The following ARHGAP21 variants were observed in gnomAD, a reference collection of about 807,000 sequenced individuals.
The protein encoded by ARHGAP21 is rho GTPase-activating protein 21.
Under a neutral mutation model 164.6 loss-of-function variants are expected in ARHGAP21, and 38 were observed. The ratio of observed to expected loss-of-function variants is 0.23; its 90% confidence interval spans 0.18 to 0.30. The LOEUF is 0.30. Among genes scored for constraint, ARHGAP21 ranks in the 10% least tolerant of loss-of-function variants. ARHGAP21 has a pLI of 1.00. For missense variants in ARHGAP21, 1,822 were observed against 2,370.7 expected (o/e 0.77, Z 4.81); for synonymous variants, 766 against 857.9 (o/e 0.89, Z 1.87).
At chr10:24,690,621 G>A (rs1033850385) in intron 2 of ARHGAP21, among the ~76,000 whole-genome samples, 5 of 151,976 alleles carry the variant, frequency 3.3e-5, no homozygotes, top group African/African-American at 4.8e-5. Context: ...CTGAGGTGGC[G>A]AGTTCGAGAC....
chr10:24,664,660 C>T (rs921462923), intron 4 of ARHGAP21, among the ~76,000 whole-genome samples: 1 of 151,502 alleles, frequency 6.6e-6, no homozygotes, highest in Non-Finnish European at 1.5e-5. Context: ...TAATTTTTTA[C>T]CATAATTGAC....
intron 4 of ARHGAP21, among the ~76,000 whole-genome samples, chr10:24,639,544 G>A (rs1233967501): frequency 6.6e-6 from 1 of 152,140 alleles, no homozygotes; most frequent in South Asian, 2.1e-4. Context: ...CACAGAGCCT[G>A]TCACATCGCA....
intron 2 of ARHGAP21, among the ~76,000 whole-genome samples, chr10:24,721,405 T>G (rs1024747040): frequency 4.6e-5 from 7 of 152,118 alleles, no homozygotes; most frequent in Non-Finnish European, 5.9e-5. Flanking sequence ...AAGTTCCAGG[T>G]GCAACAAGCA....
rs76597968 is a variant in ARHGAP21 at position 24,675,456 on chromosome 10, T to G, written c.64-5059A>C. 9.9e-3 allele frequency among the ~76,000 whole-genome samples: 1,502 copies of G among 152,276 alleles called. 20 individuals carry two copies. The highest frequency in any genetic ancestry group is 0.038 in the East Asian group (195 of 5,186). On this transcript the variant is annotated intron_variant, in intron 2 of 25. Transcript: ENST00000396432. ...GGGTGGAGATTATTATGAAGCAGCA[T>G]GAGGAAATGTGAAGGGTGGTGAATA... is the stretch of plus-strand genomic sequence containing the variant.
Position 24,619,876 on chromosome 10 carries a change from G to T in ARHGAP21, c.2019C>A (p.Pro673=). The stretch of plus-strand genomic sequence containing the variant: ...ATTTCCCAGTCTCCACTTGCTGATC[G>T]GGGGCACTGTCAGTCCTTACCCATG... ...QQTWVRTDSA[P]DQQVETGKSP... Residue 673 remains proline (P), a synonymous_variant, in exon 9 of 26, where the codon CCC becomes CCA. Transcript: ENST00000396432. 1 of 1,614,124 alleles carries T rather than the reference G, an allele frequency of 6.2e-7. No individual in the cohort carries two copies. Among genetic ancestry groups the T allele is most frequent in the Non-Finnish European group, 8.5e-7 (1 of 1,180,024 alleles).
At chr10:24,677,852 C>T (rs1032396554) in intron 2 of ARHGAP21, among the ~76,000 whole-genome samples, 1 of 152,150 alleles carries the variant, frequency 6.6e-6, no homozygotes, top group South Asian at 2.1e-4. Context: ...ACTGTTTACC[C>T]AACCTTGTTC....
intron 9 of ARHGAP21, among the ~76,000 whole-genome samples, chr10:24,613,615 A>G (rs2077357553): frequency 6.6e-6 from 1 of 152,216 alleles, no homozygotes; most frequent in Non-Finnish European, 1.5e-5. Flanking sequence ...AGGGGAGAGT[A>G]TTTTGAATAA....
chr10:24,609,410 G>A (rs1424446348), intron 9 of ARHGAP21, among the ~76,000 whole-genome samples: 2 of 152,170 alleles, frequency 1.3e-5, no homozygotes, highest in Admixed American at 1.3e-4. Flanking sequence ...GCAAAAACAG[G>A]TGGGAGGATA....
At chr10:24,650,517 A>T (rs187046142) in intron 4 of ARHGAP21, among the ~76,000 whole-genome samples, 1 of 152,366 alleles carries the variant, frequency 6.6e-6, no homozygotes, top group African/African-American at 2.4e-5. Flanking sequence ...AAAGAAGGGT[A>T]ATAATGTTCT....
At chr10:24,616,672 A>G (rs1439214868) in intron 9 of ARHGAP21, among the ~76,000 whole-genome samples, 1 of 152,146 alleles carries the variant, frequency 6.6e-6, no homozygotes, top group Admixed American at 6.5e-5. Flanking sequence ...AGTGTAGGTA[A>G]CAGTCGTAGC....
At chr10:24,686,378 G>A (rs1305182904) in intron 2 of ARHGAP21, among the ~76,000 whole-genome samples, 3 of 152,138 alleles carry the variant, frequency 2.0e-5, no homozygotes, top group East Asian at 1.9e-4. Flanking sequence ...GCAGTGAGCC[G>A]AGATGGCGCC....
rs1834331897 is a variant in ARHGAP21, at chr10:24,619,499, T to C, written c.2396A>G (p.Asp799Gly). 6.2e-7 allele frequency: 1 copy of C among 1,614,048 alleles called. No homozygotes were observed. Among genetic ancestry groups the C allele is most frequent in the South Asian group, 1.1e-5 (1 of 91,022 alleles). ...TATAAATGGGATGGAAGCCAAAGAA[T>C]CGCCAGGCGGACTGGTACTCGAGGC... ...RKASSTSPPG[D>G]SLASIPFIDE... Residue 799 changes from aspartate to glycine, a missense_variant, in exon 9 of 26, where the codon GAT becomes GGT. Asp to Gly is a moderately conservative substitution (Grantham distance 94). Around this residue, in one of 5 missense-constraint regions of ARHGAP21, gnomAD observed 1,090 missense variants for 1,378.9 expected, o/e 0.79. Transcript: ENST00000396432.
At chr10:24,593,950 T>C (rs2076459063) in intron 21 of ARHGAP21, among the ~76,000 whole-genome samples, 1 of 152,110 alleles carries the variant, frequency 6.6e-6, no homozygotes, top group South Asian at 2.1e-4. Context: ...GGAAGTAAGC[T>C]TCTTGATTTG....
chr10:24,591,827 G>GA, intron 22 of ARHGAP21, 60 bp downstream of exon 22: 1 of 1,591,114 alleles, frequency 6.3e-7, no homozygotes, highest in Non-Finnish European at 8.5e-7. Flanking sequence ...GGCTGCCCGT[G>GA]AAAATGAATT....
intron 2 of ARHGAP21, among the ~76,000 whole-genome samples, chr10:24,690,620 C>T (rs868264204): frequency 4.6e-5 from 7 of 151,810 alleles, no homozygotes; most frequent in Non-Finnish European, 8.8e-5. Context: ...CCTGAGGTGG[C>T]GAGTTCGAGA....
chr10:24,668,588 G>A (rs954786893), intron 3 of ARHGAP21, among the ~76,000 whole-genome samples: 6 of 151,662 alleles, frequency 4.0e-5, no homozygotes, highest in African/African-American at 1.5e-4. Flanking sequence ...TATAAACACC[G>A]CACATTTACT....
chr10:24,648,700 A>G (rs1343589237), intron 4 of ARHGAP21: 2 of 652,430 alleles, frequency 3.1e-6, no homozygotes, highest in Admixed American at 6.4e-5. Flanking sequence ...GAATTGCTTG[A>G]ACCCAGAGGC....
intron 4 of ARHGAP21, among the ~76,000 whole-genome samples, chr10:24,652,955 A>G (rs751274787): frequency 6.6e-6 from 1 of 152,250 alleles, no homozygotes; most frequent in Non-Finnish European, 1.5e-5. Flanking sequence ...AAAAGTACAC[A>G]TACAAGAATA....
At chr10:24,678,081 G>A (rs1261544558) in intron 2 of ARHGAP21, among the ~76,000 whole-genome samples, 1 of 151,450 alleles carries the variant, frequency 6.6e-6, no homozygotes, top group Non-Finnish European at 1.5e-5. Context: ...GGGCAACATA[G>A]TGAGACCTCA....
Sources: allele counts gnomAD v4.1 joint callset (sites outside exome capture counted in the v4.1 genomes callset), GRCh38; gene constraint gnomAD v4.1.1; regional missense constraint gnomAD v4.1.1; transcripts MANE v1.5; gene names NCBI Gene and HGNC (gene_info 2026-07-23, HGNC 2026-07-21).